FAM78B: variants seen among roughly 807,000 people sequenced by gnomAD.
The protein encoded by FAM78B is family with sequence similarity 78 member B, also known as protein FAM78B.
In FAM78B, 10 loss-of-function variants were observed where a neutral mutation model predicts 20.0. The ratio of observed to expected loss-of-function variants is 0.50; its 90% CI spans 0.31 to 0.85. The LOEUF (loss-of-function observed/expected upper bound fraction) is 0.85. Ranked by LOEUF, FAM78B falls within the 40% of genes least tolerant of loss-of-function variation. The pLI, the probability that FAM78B is intolerant of heterozygous loss-of-function variation, is 0.05. For missense variants in FAM78B, 283 were observed against 345.0 expected (o/e 0.82, Z 1.42); for synonymous variants, 135 against 132.8 (o/e 1.02, Z -0.12).
At chr1:166,137,207 A>T (rs906759441) in intron 1 of FAM78B, among the ~76,000 whole-genome samples, 3 of 152,178 alleles carry the variant, frequency 2.0e-5, no homozygotes, top group Admixed American at 6.5e-5. Flanking sequence ...TTATGTGCTA[A>T]CCCTGATTTT....
At chr1:166,062,529 A>C (rs538515614) in intron 2 of FAM78B, among the ~76,000 whole-genome samples, 5 of 152,306 alleles carry the variant, frequency 3.3e-5, no homozygotes, top group Non-Finnish European at 5.9e-5. Context: ...CTTTCTTGCT[A>C]TTTCAGAAGA....
chr1:166,073,535 T>G (rs905775090), intron 1 of FAM78B, among the ~76,000 whole-genome samples: 1 of 127,226 alleles, frequency 7.9e-6, no homozygotes, highest in Non-Finnish European at 1.6e-5. Context: ...TCTCTTTCTC[T>G]CTTTTTTTTT....
At chr1:166,106,675 T>C (rs1269245059) in intron 1 of FAM78B, among the ~76,000 whole-genome samples, 1 of 151,992 alleles carries the variant, frequency 6.6e-6, no homozygotes, top group East Asian at 1.9e-4. Context: ...CATTGGGTAC[T>C]CATGGACAAA....
chr1:166,105,350 C>A (rs1218473952), intron 1 of FAM78B, among the ~76,000 whole-genome samples: 1 of 151,982 alleles, frequency 6.6e-6, no homozygotes, highest in African/African-American at 2.4e-5. Context: ...CCAAAATTGA[C>A]AAATGGGATC....
chr1:166,127,811 ACTG>A (rs890389247), intron 1 of FAM78B, among the ~76,000 whole-genome samples: 1 of 152,186 alleles, frequency 6.6e-6, no homozygotes, highest in Non-Finnish European at 1.5e-5. Context: ...CACACAGACC[ACTG>A]CTGAGGTTAA....
chr1:166,081,899 TC>T (rs1330756396), intron 1 of FAM78B, among the ~76,000 whole-genome samples: 2 of 152,110 alleles, frequency 1.3e-5, no homozygotes, highest in Non-Finnish European at 2.9e-5. Context: ...CATGCCCCAA[TC>T]CTCACCTGCT....
In FAM78B at chr1:166,058,980, T is replaced by G. The variant is rs148252687; in HGVS notation, c.*2093A>C. 3.3e-5 allele frequency: 5 copies of G among 152,694 alleles called. No individual in the cohort carries two copies. The East Asian group carries it at 9.7e-4, about 30-fold the overall frequency. 9.5% of individuals were successfully genotyped at this position (152,694 alleles called of 1,614,324 possible). On this transcript the variant is annotated 3_prime_UTR_variant and NMD_transcript_variant, in exon 3 of 3. Coordinates refer to the FAM78B transcript ENST00000435676. ...TGTTAACAGTAGATCCTCATTCAAC[T>G]CAGGTGGCTCTGCAGAAATGGCCAA... is the stretch of plus-strand genomic sequence containing the variant.
chr1:166,075,265 G>A (rs1465319493), intron 1 of FAM78B, among the ~76,000 whole-genome samples: 1 of 152,150 alleles, frequency 6.6e-6, no homozygotes, highest in Non-Finnish European at 1.5e-5. Flanking sequence ...TTTAATGAGG[G>A]CTTCATCTAG....
intron 1 of FAM78B, among the ~76,000 whole-genome samples, chr1:166,126,671 C>T (rs1322037156): frequency 6.6e-6 from 1 of 151,894 alleles, no homozygotes; most frequent in Non-Finnish European, 1.5e-5. Flanking sequence ...GGATGACAGA[C>T]AATGAGGGGC....
At chr1:166,156,051 T>A (rs1200022724) in intron 1 of FAM78B, among the ~76,000 whole-genome samples, 1 of 152,204 alleles carries the variant, frequency 6.6e-6, no homozygotes, top group Non-Finnish European at 1.5e-5. Flanking sequence ...CCGCTTCCCA[T>A]TAGCCAGGCC....
chr1:166,111,773 CT>C (rs1228216018), intron 1 of FAM78B, among the ~76,000 whole-genome samples: 1 of 152,198 alleles, frequency 6.6e-6, no homozygotes, highest in Non-Finnish European at 1.5e-5. Flanking sequence ...ATAATAAGCA[CT>C]CAGCAAATAT....
intron 1 of FAM78B, among the ~76,000 whole-genome samples, chr1:166,113,232 C>A (rs576471081): frequency 3.3e-5 from 5 of 152,310 alleles, no homozygotes; most frequent in Admixed American, 3.3e-4. Context: ...CCTGTGGATC[C>A]CCTAGTCAGT....
intron 1 of FAM78B, among the ~76,000 whole-genome samples, chr1:166,132,321 T>C (rs185790589): frequency 1.3e-5 from 2 of 152,240 alleles, no homozygotes; most frequent in East Asian, 3.9e-4. Context: ...GTGAAGAACA[T>C]GACACACTGG....
chr1:166,150,050 G>A (rs1224422171), intron 1 of FAM78B, among the ~76,000 whole-genome samples: 1 of 152,208 alleles, frequency 6.6e-6, no homozygotes, highest in African/African-American at 2.4e-5. Context: ...GAAACCTGGA[G>A]CTAGCTACTT....
intron 1 of FAM78B, among the ~76,000 whole-genome samples, chr1:166,163,003 C>T (rs993818334): frequency 6.6e-6 from 1 of 152,192 alleles, no homozygotes; most frequent in African/African-American, 2.4e-5. Context: ...TCTTCCACAC[C>T]ACCAAAGAGC....
At chr1:166,139,548 G>C (rs1042923072) in intron 1 of FAM78B, among the ~76,000 whole-genome samples, 5 of 152,138 alleles carry the variant, frequency 3.3e-5, no homozygotes, top group African/African-American at 1.2e-4. Context: ...AGGGAACAGA[G>C]AAGGAGCCCA....
intron 1 of FAM78B, among the ~76,000 whole-genome samples, chr1:166,127,022 T>C (rs745680990): frequency 7.2e-4 from 109 of 152,350 alleles, no homozygotes; most frequent in Middle Eastern, 3.4e-3. Flanking sequence ...GATTCTGTTA[T>C]GGTAGAAGGA....
intron 1 of FAM78B, among the ~76,000 whole-genome samples, chr1:166,163,315 A>G (rs1414186826): frequency 1.3e-5 from 2 of 152,362 alleles, no homozygotes; most frequent in African/African-American, 4.8e-5. Flanking sequence ...AATGAGTTCA[A>G]GTTCAAATTA....
exon 3 of FAM78B, chr1:166,057,474 C>G (rs1363482718): frequency 6.6e-6 from 1 of 151,998 alleles, no homozygotes; most frequent in East Asian, 1.9e-4. Flanking sequence ...TTTTTAATCC[C>G]AGAGAAGTGA....
Sources: allele counts gnomAD v4.1 joint callset (sites outside exome capture counted in the v4.1 genomes callset), GRCh38; gene constraint gnomAD v4.1.1; transcripts MANE v1.5; gene names NCBI Gene and HGNC (gene_info 2026-07-23, HGNC 2026-07-21).